Variants in CAPN5 observed in about 807,000 individuals in gnomAD.
The protein encoded by CAPN5 is calpain-5.
A neutral mutation model predicts 73.0 loss-of-function variants in CAPN5; 54 were observed. The observed-to-expected ratio is 0.74, with a 90% CI of 0.59 to 0.93. The LOEUF is 0.93. CAPN5 is among the 40% of genes least tolerant of loss of function. The probability of loss-of-function intolerance (pLI) is 0.00; values close to 1 mark genes in which losing one functional copy is unlikely to be tolerated. For synonymous variants in CAPN5, 335 were observed against 356.9 expected (o/e 0.94, Z 0.69); for missense variants, 785 against 882.9 (o/e 0.89, Z 1.41).
rs570013666 is a variant in CAPN5 at position 77,106,989 on chromosome 11, C to T, written c.298-5600C>T. On this transcript the variant is annotated intron_variant, in intron 3 of 12. Transcript: ENST00000648180. ...CATGATTGCTGGGGAGCTGGAGGCCCGGGGGAAGGGGGACTCCCCCAAGGC... is the reference window on the plus strand; with the variant it reads ...CATGATTGCTGGGGAGCTGGAGGCCTGGGGGAAGGGGGACTCCCCCAAGGC... Among the ~76,000 whole-genome samples the T allele has an allele frequency of 4.2e-3, 640 of 152,296 alleles. 15 individuals are homozygous for T. The highest frequency in any genetic ancestry group is 1.0e-3 in the Non-Finnish European group (70 of 68,016).
In CAPN5 at chr11:77,121,003, C is replaced by G. The variant is rs544465146; in HGVS notation, c.1487+94C>G. ...GCAGCCTCAGAGATGCTCAGTGTCT[C>G]TGGGCCTCCAGCCACTCTGGGCTGA... On this transcript the variant is annotated intron_variant, in intron 10 of 12. Coordinates refer to ENST00000648180, the MANE Select transcript of CAPN5 (RefSeq NM_004055.5). 5 of 1,213,256 alleles carry G rather than the reference C, an allele frequency of 4.1e-6. No individual in the cohort carries two copies. In the East Asian group the frequency reaches 9.4e-5, roughly 23 times the overall value. 75.2% of individuals were successfully genotyped at this position (1,213,256 alleles called of 1,614,324 possible). A position where few individuals can be genotyped will look rare whatever the true frequency, so the allele number is the denominator to read the frequency against.
chr11:77,114,544 C>G (rs930940575), intron 5 of CAPN5, 110 bp downstream of exon 5: 20 of 993,372 alleles, frequency 2.0e-5, no homozygotes, highest in Non-Finnish European at 3.0e-5. Context: ...GTATTCAGAC[C>G]CTCAGCCTCG....
At position 77,066,985 on chromosome 11, in the gene CAPN5, C is replaced by A. The variant is rs1436093905; in HGVS notation, c.-145C>A. Reference sequence around the variant, plus strand: ...CGCCGCAGGCCAGTCCCAGCTGGATCTCCGGCCAGAGCCCGAGGCTGCTGC... The same window carrying A: ...CGCCGCAGGCCAGTCCCAGCTGGATATCCGGCCAGAGCCCGAGGCTGCTGC... On this transcript the variant is annotated 5_prime_UTR_variant, in exon 1 of 13. Coordinates refer to ENST00000648180, the MANE Select transcript of CAPN5 (RefSeq NM_004055.5). 2.0e-5 allele frequency: 3 copies of A among 152,044 alleles called. No individual in the cohort carries two copies. The highest frequency in any genetic ancestry group is 4.4e-5 in the Non-Finnish European group (3 of 68,008). 9.4% of individuals were successfully genotyped at this position (152,044 alleles called of 1,614,324 possible).
At chr11:77,071,692 C>T (rs1555033106) in intron 1 of CAPN5, 1 of 442,506 alleles carries the variant, frequency 2.3e-6, no homozygotes. Context: ...GGTATGTGGA[C>T]AGGATGTTGC....
intron 4 of CAPN5, 39 bp from the exon 5 acceptor site, chr11:77,114,203 G>A (rs2135477193): frequency 2.5e-6 from 4 of 1,592,502 alleles, no homozygotes; most frequent in Non-Finnish European, 3.4e-6. Flanking sequence ...GCCTGGCTGG[G>A]GAGCATGAGC....
intron 4 of CAPN5, among the ~76,000 whole-genome samples, chr11:77,113,420 G>T (rs1194386291): frequency 6.6e-6 from 1 of 152,212 alleles, no homozygotes; most frequent in Admixed American, 6.5e-5. Context: ...TGCAGGGCAG[G>T]GATACGCCTA....
rs373031000 is a variant in CAPN5, at chr11:77,094,929, T to C, written c.297+1116T>C. Among the ~76,000 whole-genome samples, 27 of 152,314 alleles carry C rather than the reference T, an allele frequency of 1.8e-4. No individual in the cohort carries two copies. The South Asian group carries it at 5.6e-3, about 32-fold the overall frequency. On this transcript the variant is annotated intron_variant, in intron 3 of 12. Coordinates refer to ENST00000648180, the MANE Select transcript of CAPN5 (RefSeq NM_004055.5). ...CATCCTCTGAGGTATCCCTTGGCCATCAGAGGGAGCAGTGCCCTTGGGCAA... is the reference window on the plus strand; with the variant it reads ...CATCCTCTGAGGTATCCCTTGGCCACCAGAGGGAGCAGTGCCCTTGGGCAA...
intron 8 of CAPN5, among the ~76,000 whole-genome samples, chr11:77,118,755 G>A (rs782135939): frequency 2.6e-5 from 4 of 152,232 alleles, no homozygotes; most frequent in South Asian, 4.1e-4. Context: ...GACCCGTGGC[G>A]CTGCTTAGCC....
At chr11:77,116,081 A>G in intron 6 of CAPN5, 145 bp from the exon 7 acceptor site, 1 of 700,088 alleles carries the variant, frequency 1.4e-6, no homozygotes, top group African/African-American at 1.8e-5. Flanking sequence ...GGGGCTGGGC[A>G]TGGCCTCAGT....
Position 77,088,917 on chromosome 11 carries a change from G to A in CAPN5, c.165+3866G>A, listed in dbSNP as rs79403790. On this transcript the variant is annotated intron_variant, in intron 2 of 12. Coordinates refer to ENST00000648180, the MANE Select transcript of CAPN5 (RefSeq NM_004055.5). ...GAGCAGGGGAGCGGTGACTGCAGGT[G>A]CAGAATGCTGTCCTAGAGCTGTGTT... Among the ~76,000 whole-genome samples the A allele has an allele frequency of 8.5e-5, 13 of 152,282 alleles. No individual in the cohort carries two copies. In the East Asian group the frequency reaches 2.5e-3, roughly 29 times the overall value.
chr11:77,103,154 C>A (rs1950306153), intron 3 of CAPN5: 2 of 1,613,736 alleles, frequency 1.2e-6, no homozygotes, highest in African/African-American at 2.7e-5. Context: ...CCACTGCCAT[C>A]TTCTGGCGCA....
intron 3 of CAPN5, among the ~76,000 whole-genome samples, chr11:77,107,453 G>A (rs781947217): frequency 7.2e-5 from 11 of 152,210 alleles, no homozygotes; most frequent in Middle Eastern, 3.4e-3. Context: ...CTCCACACAC[G>A]CACACACTTG....
chr11:77,113,251 G>T (rs1241107401), intron 4 of CAPN5, among the ~76,000 whole-genome samples: 1 of 152,230 alleles, frequency 6.6e-6, no homozygotes, highest in Admixed American at 6.5e-5. Context: ...CCTCTGCCTG[G>T]CTGACTGTCC....
chr11:77,117,474 G>T (rs1555041959), intron 7 of CAPN5, among the ~76,000 whole-genome samples: 1 of 152,216 alleles, frequency 6.6e-6, no homozygotes, highest in South Asian at 2.1e-4. Context: ...CCTTCTGCAG[G>T]TGTCAGGTCA....
chr11:77,093,572 A>G, intron 2 of CAPN5, 110 bp from the exon 3 acceptor site: 25 of 1,426,114 alleles, frequency 1.8e-5, no homozygotes, highest in Non-Finnish European at 2.3e-5. Flanking sequence ...CATGCTGATG[A>G]TCACACAGCA....
intron 8 of CAPN5, among the ~76,000 whole-genome samples, chr11:77,118,797 C>T (rs1950493813): frequency 6.6e-6 from 1 of 152,194 alleles, no homozygotes; most frequent in African/African-American, 2.4e-5. Flanking sequence ...TTGAGCACCA[C>T]CTGTGTGCCA....
chr11:77,122,592 G>A lies in CAPN5; in HGVS notation c.1620G>A (p.Val540=), dbSNP rs1950532935. 1 of 1,603,648 alleles carries A rather than the reference G, an allele frequency of 6.2e-7. No homozygotes were observed. Among genetic ancestry groups the A allele is most frequent in the Non-Finnish European group, 8.5e-7 (1 of 1,173,324 alleles). ...KDSPTGANSY[V]IIKCEGDKVR... ...TCTCCCTAGGGGCTAACTCTTATGT[G>A]ATCATCAAGTGTGAGGGAGACAAAG... Residue 540 remains valine (V), a synonymous_variant, in exon 12 of 13, where the codon GTG becomes GTA. Transcript: ENST00000648180.
chr11:77,090,518 G>A (rs145505156), intron 2 of CAPN5, among the ~76,000 whole-genome samples: 25 of 152,318 alleles, frequency 1.6e-4, no homozygotes, highest in African/African-American at 3.6e-4. Flanking sequence ...GCATCCCATC[G>A]GATCCGTCCA....
chr11:77,118,074 A>G (rs2135483425), intron 7 of CAPN5, 83 bp from the exon 8 acceptor site: 1 of 1,257,678 alleles, frequency 8.0e-7, no homozygotes. Flanking sequence ...GGCCATATGG[A>G]CATATTAGGT....
Sources: gnomAD v4.1 joint callset for allele counts (sites outside exome capture counted in the v4.1 genomes callset) on GRCh38, gnomAD v4.1.1 for gene constraint, MANE v1.5 for transcripts, NCBI Gene and HGNC (gene_info 2026-07-23, HGNC 2026-07-21) for gene names.